The following NALF1 variants were observed in gnomAD, a reference collection of about 807,000 sequenced individuals.
NALF1 encodes the protein NALCN channel auxiliary factor 1.
A neutral mutation model predicts 48.4 loss-of-function variants in NALF1; 3 were observed. The ratio of observed to expected loss-of-function variants is 0.06; its 90% CI spans 0.03 to 0.16. The LOEUF is 0.16. Ranked by LOEUF, NALF1 falls within the 10% of genes least tolerant of loss-of-function variation. NALF1 has a pLI of 1.00. For synonymous variants in NALF1, 262 were observed against 245.7 expected (o/e 1.07, Z -0.62); for missense variants, 526 against 571.5 (o/e 0.92, Z 0.81).
At chr13:107,205,164 C>G (rs1198262789) in intron 2 of NALF1, among the ~76,000 whole-genome samples, 1 of 151,936 alleles carries the variant, frequency 6.6e-6, no homozygotes, top group Non-Finnish European at 1.5e-5. Context: ...CCTTTCCCCC[C>G]ACCCCACAAC....
At chr13:107,359,830 GA>G (rs141950646) in intron 1 of NALF1, among the ~76,000 whole-genome samples, 3,398 of 152,166 alleles carry the variant, frequency 0.022, 141 homozygotes, top group African/African-American at 0.075. Context: ...GTGGCAGAAG[GA>G]AAACTATGCA....
In NALF1 at chr13:107,201,175, CT is replaced by C. The variant is rs566505229; in HGVS notation, c.1087+9408del. Reference sequence around the variant, plus strand: ...ATCTATCTATCTATCTATCATCTATCTATCTATCTATCTATCTATCTACCCA... The same window carrying C: ...ATCTATCTATCTATCTATCATCTATCATCTATCTATCTATCTATCTACCCA... On this transcript the variant is annotated intron_variant, in intron 2 of 2. Coordinates refer to ENST00000375915, the MANE Select transcript of NALF1 (RefSeq NM_001080396.3). 6.1e-4 allele frequency among the ~76,000 whole-genome samples: 87 copies of C among 142,272 alleles called. 1 individual carries two copies. Among genetic ancestry groups the C allele is most frequent in the Middle Eastern group, 7.1e-3 (2 of 282 alleles). 93.3% of individuals were successfully genotyped at this position (142,272 alleles called of 152,430 possible). A position where few individuals can be genotyped will look rare whatever the true frequency, so the allele number is the denominator to read the frequency against.
intron 1 of NALF1, among the ~76,000 whole-genome samples, chr13:107,301,500 T>G (rs1216938765): frequency 2.0e-5 from 3 of 152,110 alleles, no homozygotes; most frequent in African/African-American, 7.2e-5. Flanking sequence ...AAGCAAAACC[T>G]TCTGTTCTAC....
intron 1 of NALF1, among the ~76,000 whole-genome samples, chr13:107,786,293 G>A (rs554940775): frequency 6.6e-6 from 1 of 151,916 alleles, no homozygotes; most frequent in African/African-American, 2.4e-5. Flanking sequence ...GTGCATGCCT[G>A]TAATCCCAGC....
At chr13:107,193,931 A>AT (rs1879333151) in intron 2 of NALF1, among the ~76,000 whole-genome samples, 1 of 152,120 alleles carries the variant, frequency 6.6e-6, no homozygotes, top group Non-Finnish European at 1.5e-5. Context: ...TTATAAATCC[A>AT]TATTTATATT....
At chr13:107,236,729 C>A (rs1410808222) in intron 1 of NALF1, among the ~76,000 whole-genome samples, 1 of 137,194 alleles carries the variant, frequency 7.3e-6, no homozygotes, top group East Asian at 2.1e-4. Flanking sequence ...ATCTATCTAT[C>A]TATCTATCAT....
intron 1 of NALF1, among the ~76,000 whole-genome samples, chr13:107,510,810 C>A (rs1283462115): frequency 6.6e-6 from 1 of 152,158 alleles, no homozygotes; most frequent in African/African-American, 2.4e-5. Context: ...GTTCATACCA[C>A]AGAAATGGTC....
intron 2 of NALF1, among the ~76,000 whole-genome samples, chr13:107,188,888 G>C (rs1170416597): frequency 6.6e-6 from 1 of 152,112 alleles, no homozygotes; most frequent in Non-Finnish European, 1.5e-5. Flanking sequence ...TAGCCTAAGA[G>C]TAAAATGTAA....
At chr13:107,302,631 A>G (rs1159113695) in intron 1 of NALF1, among the ~76,000 whole-genome samples, 3 of 152,216 alleles carry the variant, frequency 2.0e-5, no homozygotes, top group Non-Finnish European at 2.9e-5. Flanking sequence ...GAAGACCTCA[A>G]AGCTAACCAA....
intron 1 of NALF1, among the ~76,000 whole-genome samples, chr13:107,487,793 T>C (rs551881205): frequency 3.3e-5 from 5 of 152,258 alleles, no homozygotes; most frequent in African/African-American, 9.6e-5. Context: ...GCTGGCCTTA[T>C]AGAATGGGTT....
intron 1 of NALF1, among the ~76,000 whole-genome samples, chr13:107,722,128 G>T (rs1479378610): frequency 6.6e-6 from 1 of 152,114 alleles, no homozygotes; most frequent in Non-Finnish European, 1.5e-5. Flanking sequence ...AGGGGAGCAG[G>T]TTAAAAGTTC....
intron 1 of NALF1, among the ~76,000 whole-genome samples, chr13:107,475,005 G>C (rs1255921880): frequency 6.6e-6 from 1 of 152,164 alleles, no homozygotes; most frequent in African/African-American, 2.4e-5. Flanking sequence ...CATCTGCTAA[G>C]TGTCAAGTGG....
At chr13:107,300,877 C>G (rs1423227196) in intron 1 of NALF1, among the ~76,000 whole-genome samples, 2 of 152,100 alleles carry the variant, frequency 1.3e-5, no homozygotes, top group East Asian at 3.9e-4. Flanking sequence ...ATAAATCCCT[C>G]AAAGCTGGAA....
At position 107,429,252 on chromosome 13, in the gene NALF1, A is replaced by G. The variant is rs569420044; in HGVS notation, c.916-218497T>C. On this transcript the variant is annotated intron_variant, in intron 1 of 2. Transcript: ENST00000375915. ...CAGGAGGATTGCCTGAACCCGGGAC[A>G]TGGAGGTTGCAGTGAGCCATGATTG... 3.6e-4 allele frequency among the ~76,000 whole-genome samples: 55 copies of G among 151,852 alleles called. 1 individual carries two copies. The highest frequency in any genetic ancestry group is 7.9e-4 in the Admixed American group (12 of 15,216).
chr13:107,689,033 T>C (rs1161313947), intron 1 of NALF1, among the ~76,000 whole-genome samples: 1 of 152,182 alleles, frequency 6.6e-6, no homozygotes, highest in East Asian at 1.9e-4. Flanking sequence ...GAGTTTAGGA[T>C]TCTGCTCTGT....
intron 1 of NALF1, among the ~76,000 whole-genome samples, chr13:107,532,966 T>TA (rs1409767788): frequency 6.6e-6 from 1 of 152,074 alleles, no homozygotes; most frequent in Admixed American, 6.6e-5. Context: ...ATTAACATAT[T>TA]AAAAATGATA....
intron 1 of NALF1, among the ~76,000 whole-genome samples, chr13:107,372,299 T>C (rs1211696388): frequency 2.0e-5 from 3 of 152,272 alleles, no homozygotes; most frequent in African/African-American, 4.8e-5. Flanking sequence ...CTGTGATTTC[T>C]ATTTTAGATA....
chr13:107,461,382 T>C (rs1350989162), intron 1 of NALF1, among the ~76,000 whole-genome samples: 1 of 152,218 alleles, frequency 6.6e-6, no homozygotes, highest in African/African-American at 2.4e-5. Flanking sequence ...AATATTCACA[T>C]CTAATGTCAT....
chr13:107,666,518 C>T (rs9520542), intron 1 of NALF1, among the ~76,000 whole-genome samples: 44,338 of 152,056 alleles, frequency 0.29, 7,019 homozygotes, highest in East Asian at 0.51. Flanking sequence ...TTGGCACCCA[C>T]GGGGTGGAAA....
Sources: gnomAD v4.1 joint callset for allele counts (sites outside exome capture counted in the v4.1 genomes callset) on GRCh38, gnomAD v4.1.1 for gene constraint, MANE v1.5 for transcripts, NCBI Gene and HGNC (gene_info 2026-07-23, HGNC 2026-07-21) for gene names.